PLCXD3: variants seen among roughly 807,000 people sequenced by gnomAD.
The protein encoded by PLCXD3 is PI-PLC X domain-containing protein 3.
PLCXD3 carries 19 observed loss-of-function variants against 25.5 expected under a neutral mutation model. That is an observed-to-expected ratio of 0.75 (90% confidence interval 0.52 to 1.09). The LOEUF is 1.09. Among genes scored for constraint, PLCXD3 ranks in the 50% least tolerant of loss-of-function variants. The pLI is 0.00. For synonymous variants in PLCXD3, 174 were observed against 137.6 expected, an observed-to-expected ratio of 1.26 and a Z score of -1.85; for missense variants, 411 against 388.1, an observed-to-expected ratio of 1.06 and a Z score of -0.50.
Position 41,307,646 on chromosome 5 carries a change from G to T in PLCXD3, c.*5971C>A, listed in dbSNP as rs767442512. On this transcript the variant is annotated 3_prime_UTR_variant, in exon 3 of 3. Coordinates refer to ENST00000377801, the MANE Select transcript of PLCXD3 (RefSeq NM_001005473.3). ...ACAATGTTCTGAGAAGGTGTCACCAGGGCAGTGTCTATACCTCAGACTCTT... is the reference window on the plus strand; with the variant it reads ...ACAATGTTCTGAGAAGGTGTCACCATGGCAGTGTCTATACCTCAGACTCTT... The T allele has an allele frequency of 2.0e-5, 3 of 152,244 alleles. No individual in the cohort carries two copies. The highest frequency in any genetic ancestry group is 7.2e-5 in the African/African-American group (3 of 41,434). 9.4% of individuals were successfully genotyped at this position (152,244 alleles called of 1,614,324 possible).
intron 1 of PLCXD3, among the ~76,000 whole-genome samples, chr5:41,471,200 A>G (rs756147999): frequency 3.9e-4 from 59 of 152,222 alleles, no homozygotes; most frequent in Admixed American, 1.2e-3. Flanking sequence ...CACCTTCATA[A>G]GAACCAAAAA....
chr5:41,506,241 T>A (rs1345799646), intron 1 of PLCXD3, among the ~76,000 whole-genome samples: 1 of 152,232 alleles, frequency 6.6e-6, no homozygotes, highest in Non-Finnish European at 1.5e-5. Flanking sequence ...ACTTTGTGAA[T>A]GGTAAAATAG....
chr5:41,361,744 C>CTA (rs1744785931), intron 2 of PLCXD3, among the ~76,000 whole-genome samples: 1 of 152,188 alleles, frequency 6.6e-6, no homozygotes, highest in Non-Finnish European at 1.5e-5. Context: ...GTCAGTTAAT[C>CTA]TATTGTTTTA....
At chr5:41,428,794 G>A (rs982363115) in intron 1 of PLCXD3, among the ~76,000 whole-genome samples, 1 of 152,088 alleles carries the variant, frequency 6.6e-6, no homozygotes, top group East Asian at 1.9e-4. Flanking sequence ...CAGAGAAAAT[G>A]TTTTAGAGAC....
At chr5:41,491,992 T>G (rs553402125) in intron 1 of PLCXD3, among the ~76,000 whole-genome samples, 1 of 152,360 alleles carries the variant, frequency 6.6e-6, no homozygotes, top group East Asian at 1.9e-4. Context: ...GTTAGCTGGT[T>G]ATTTTGCTCA....
intron 1 of PLCXD3, among the ~76,000 whole-genome samples, chr5:41,486,546 G>A (rs895547546): frequency 6.6e-6 from 1 of 152,106 alleles, no homozygotes; most frequent in Non-Finnish European, 1.5e-5. Context: ...TGGTTGGACT[G>A]CTTCTGGAGG....
chr5:41,426,918 A>G (rs1363337564), intron 1 of PLCXD3, among the ~76,000 whole-genome samples: 1 of 152,136 alleles, frequency 6.6e-6, no homozygotes, highest in Non-Finnish European at 1.5e-5. Flanking sequence ...TAGAATGACT[A>G]TTATTGGTAT....
At chr5:41,315,857 C>A (rs1004585128) in intron 2 of PLCXD3, among the ~76,000 whole-genome samples, 1 of 152,202 alleles carries the variant, frequency 6.6e-6, no homozygotes, top group Non-Finnish European at 1.5e-5. Context: ...AATATTTAAA[C>A]CAGGCCTAGC....
intron 2 of PLCXD3, among the ~76,000 whole-genome samples, chr5:41,362,413 G>A (rs1055666595): frequency 6.6e-6 from 1 of 152,132 alleles, no homozygotes; most frequent in African/African-American, 2.4e-5. Context: ...GGTTTATTTG[G>A]CTAAGGCTCA....
At chr5:41,331,773 C>T (rs1743813858) in intron 2 of PLCXD3, among the ~76,000 whole-genome samples, 1 of 152,118 alleles carries the variant, frequency 6.6e-6, no homozygotes, top group African/African-American at 2.4e-5. Flanking sequence ...GAACAGAGTC[C>T]TCAGAAATAA....
At chr5:41,393,895 A>C (rs562689528) in intron 1 of PLCXD3, among the ~76,000 whole-genome samples, 11 of 152,126 alleles carry the variant, frequency 7.2e-5, no homozygotes, top group Non-Finnish European at 1.5e-4. Flanking sequence ...GCACCACTAC[A>C]CTCCAGTCTG....
chr5:41,363,540 C>T (rs1474540385), intron 2 of PLCXD3, among the ~76,000 whole-genome samples: 1 of 152,146 alleles, frequency 6.6e-6, no homozygotes, highest in Non-Finnish European at 1.5e-5. Context: ...GATGACTGTT[C>T]ACTTATCCCA....
intron 1 of PLCXD3, among the ~76,000 whole-genome samples, chr5:41,393,291 G>A (rs560172273): frequency 1.8e-4 from 27 of 152,206 alleles, no homozygotes; most frequent in African/African-American, 5.5e-4. Flanking sequence ...AAAGCTCATG[G>A]ATGAAGAAGG....
chr5:41,442,642 T>A (rs550012998), intron 1 of PLCXD3, among the ~76,000 whole-genome samples: 3 of 152,302 alleles, frequency 2.0e-5, no homozygotes, highest in African/African-American at 7.2e-5. Context: ...CATCCAAAAG[T>A]AAGCAAACTA....
At chr5:41,317,307 T>C (rs888960647) in intron 2 of PLCXD3, among the ~76,000 whole-genome samples, 1 of 152,254 alleles carries the variant, frequency 6.6e-6, no homozygotes, top group Non-Finnish European at 1.5e-5. Context: ...ATTACTGGTC[T>C]TGGGGTGCCC....
At chr5:41,414,762 T>C (rs1458339935) in intron 1 of PLCXD3, among the ~76,000 whole-genome samples, 1 of 152,228 alleles carries the variant, frequency 6.6e-6, no homozygotes, top group East Asian at 1.9e-4. Flanking sequence ...TGAAATCTCC[T>C]GCTGTCCTGC....
chr5:41,318,031 A>G (rs1167932053), intron 2 of PLCXD3, among the ~76,000 whole-genome samples: 1 of 152,116 alleles, frequency 6.6e-6, no homozygotes. Context: ...AGAGCATGAC[A>G]TGACATATTC....
intron 1 of PLCXD3, among the ~76,000 whole-genome samples, chr5:41,501,182 G>A (rs1748942727): frequency 6.6e-6 from 1 of 152,026 alleles, no homozygotes; most frequent in African/African-American, 2.4e-5. Context: ...ACTACCACAT[G>A]ATCCAACAGT....
At chr5:41,464,230 A>T (rs932559163) in intron 1 of PLCXD3, among the ~76,000 whole-genome samples, 5 of 152,074 alleles carry the variant, frequency 3.3e-5, no homozygotes, top group Non-Finnish European at 7.4e-5. Flanking sequence ...ATGAGGAGCC[A>T]TTTATTGAGT....
Sources: gnomAD v4.1 joint callset for allele counts (sites outside exome capture counted in the v4.1 genomes callset) on GRCh38, gnomAD v4.1.1 for gene constraint, MANE v1.5 for transcripts, NCBI Gene and HGNC (gene_info 2026-07-23, HGNC 2026-07-21) for gene names.